Variants in GTF3C3 observed in about 807,000 individuals in gnomAD.
The protein encoded by GTF3C3 is general transcription factor 3C polypeptide 3.
A neutral mutation model predicts 105.2 loss-of-function variants in GTF3C3; 75 were observed. The ratio of observed to expected loss-of-function variants is 0.71; its 90% CI spans 0.59 to 0.86. GTF3C3 has a LOEUF of 0.86. GTF3C3 is among the 40% of genes least tolerant of loss of function. The pLI is 0.00. For missense variants in GTF3C3, 856 were observed against 1,076.5 expected (o/e 0.80, Z 2.87); for synonymous variants, 335 against 370.4 (o/e 0.90, Z 1.10).
At chr2:196,767,893 T>C (rs1699095759) in intron 16 of GTF3C3, among the ~76,000 whole-genome samples, 1 of 152,204 alleles carries the variant, frequency 6.6e-6, no homozygotes, top group Non-Finnish European at 1.5e-5. Context: ...GTTTAACAAA[T>C]TTAAGAGGAT....
chr2:196,790,190 A>G (rs1276648117), intron 4 of GTF3C3, 120 bp from the exon 5 acceptor site: 3 of 546,056 alleles, frequency 5.5e-6, no homozygotes, highest in Non-Finnish European at 9.2e-6. Context: ...AAATCACTCT[A>G]GCAGAATTAT....
intron 8 of GTF3C3, among the ~76,000 whole-genome samples, chr2:196,781,351 A>ATATACATATAT: frequency 4.9e-5 from 1 of 20,528 alleles, no homozygotes. Flanking sequence ...GGAAAAAAAA[A>ATATACATATAT]AAAAAAATAT....
intron 8 of GTF3C3, among the ~76,000 whole-genome samples, chr2:196,781,357 A>AAAAAAAAAAAAAAATAT: frequency 5.3e-5 from 1 of 18,820 alleles, no homozygotes. Context: ...AAAAAAAAAA[A>AAAAAAAAAAAAAAATAT]ATATATATAT....
At chr2:196,798,639 G>A (rs1576041523) in intron 1 of GTF3C3, among the ~76,000 whole-genome samples, 2 of 151,984 alleles carry the variant, frequency 1.3e-5, no homozygotes, top group African/African-American at 4.8e-5. Context: ...CGAGGCAGGC[G>A]GATCACGAGG....
rs1212634006 is a variant in GTF3C3, at chr2:196,793,061, TTCTTCC to T, written c.300_305del (p.Glu110_Glu111del). On this transcript the variant is annotated inframe_deletion, in exon 3 of 18. Coordinates refer to ENST00000263956, the MANE Select transcript of GTF3C3 (RefSeq NM_012086.5). Reference sequence around the variant, plus strand: ...CTTCCTCCTCCTCCTCCTCCTCCTCTTCTTCCTCTTCCTCCTCATCATCTTCATTCT... The same window carrying T: ...CTTCCTCCTCCTCCTCCTCCTCCTCTTCTTCCTCCTCATCATCTTCATTCT... 6.2e-7 allele frequency: 1 copy of T among 1,611,564 alleles called. No individual in the cohort carries two copies. Among genetic ancestry groups the T allele is most frequent in the East Asian group, 2.2e-5 (1 of 44,886 alleles).
At position 196,799,311 on chromosome 2, in the gene GTF3C3, C is replaced by G. The variant is rs562439153; in HGVS notation, c.102+199G>C. The G allele has an allele frequency of 7.4e-6, 4 of 539,306 alleles. No homozygotes were observed. The East Asian group carries it at 9.3e-5, about 12-fold the overall frequency. 33.4% of individuals were successfully genotyped at this position (539,306 alleles called of 1,614,324 possible). A position where few individuals can be genotyped will look rare whatever the true frequency, so the allele number is the denominator to read the frequency against. Reference sequence around the variant, plus strand: ...GAAGAGGTTACCACCAAGACGAAAGCTTTTCGGTGGGGGAAAACGTTTTAA... The same window carrying G: ...GAAGAGGTTACCACCAAGACGAAAGGTTTTCGGTGGGGGAAAACGTTTTAA... On this transcript the variant is annotated intron_variant, in intron 1 of 17. Coordinates refer to ENST00000263956, the MANE Select transcript of GTF3C3 (RefSeq NM_012086.5).
intron 8 of GTF3C3, among the ~76,000 whole-genome samples, chr2:196,781,357 A>AAAAAATATATATATATAT: frequency 5.3e-5 from 1 of 18,820 alleles, no homozygotes; most frequent in Admixed American, 1.0e-3. Flanking sequence ...AAAAAAAAAA[A>AAAAAATATATATATATAT]ATATATATAT....
Position 196,780,788 on chromosome 2 carries a change from CTATT to C in GTF3C3, c.1115-130_1115-127del, listed in dbSNP as rs1699336976. ...CAGTCAATTCTTAGTGTGGCCAACTCTATTAATAAGTTCTTATATCTCTCTCAGT... is the reference window on the plus strand; with the variant it reads ...CAGTCAATTCTTAGTGTGGCCAACTCAATAAGTTCTTATATCTCTCTCAGT... On this transcript the variant is annotated intron_variant, in intron 8 of 17. Transcript: ENST00000263956. 6 of 1,174,362 alleles carry C rather than the reference CTATT, an allele frequency of 5.1e-6. No individual in the cohort carries two copies. In the Admixed American group the frequency reaches 8.2e-5, roughly 16 times the overall value. The allele number at this position is 1,174,362 out of a possible 1,614,324, so 72.7% of individuals were successfully genotyped here.
At chr2:196,790,122 T>G (rs1444489204) in intron 4 of GTF3C3, 52 bp from the exon 5 acceptor site, 1 of 1,173,552 alleles carries the variant, frequency 8.5e-7, no homozygotes. Context: ...GAGGCTTGAG[T>G]TGATGTCCAT....
intron 1 of GTF3C3, chr2:196,799,118 T>C (rs144982751): frequency 1.3e-3 from 214 of 167,648 alleles, no homozygotes; most frequent in Admixed American, 2.6e-3. Context: ...AAAGGAGACA[T>C]TGGGGCCTAA....
intron 8 of GTF3C3, among the ~76,000 whole-genome samples, chr2:196,784,014 G>C (rs979766729): frequency 1.7e-4 from 26 of 152,176 alleles, no homozygotes; most frequent in African/African-American, 6.3e-4. Flanking sequence ...ATTGGCTTGT[G>C]TAAGTGAATT....
chr2:196,773,226 C>T lies in GTF3C3; in HGVS notation c.1832-73G>A, dbSNP rs1699207403. On this transcript the variant is annotated intron_variant, in intron 13 of 17. Transcript: ENST00000263956. ...ATAGCAGTATTAGAAAAATTCACAT[C>T]ATCAATTTTAAGACAAGTTTAATAA... is the stretch of plus-strand genomic sequence containing the variant. 7 of 847,108 alleles carry T rather than the reference C, an allele frequency of 8.3e-6. No homozygotes were observed. The South Asian group carries it at 1.2e-4, about 14-fold the overall frequency. 52.5% of individuals were successfully genotyped at this position (847,108 alleles called of 1,614,324 possible).
chr2:196,768,109 C>G (rs997786393), intron 16 of GTF3C3, among the ~76,000 whole-genome samples: 2 of 152,122 alleles, frequency 1.3e-5, no homozygotes, highest in African/African-American at 4.8e-5. Context: ...CCTCCACCTC[C>G]TGGGTTCAAG....
In GTF3C3 at chr2:196,791,453, C is replaced by G; in HGVS notation, c.419G>C (p.Arg140Thr). 1 of 1,612,810 alleles carries G rather than the reference C, an allele frequency of 6.2e-7. No individual in the cohort carries two copies. The highest frequency in any genetic ancestry group is 2.2e-5 in the East Asian group (1 of 44,868). The change falls in exon 4 of 18, where the codon AGG (arginine) becomes ACG (threonine). Residue 140 changes from arginine to threonine, a missense_variant. Arg to Thr is a moderately conservative substitution (Grantham distance 71, BLOSUM62 -1). Transcript: ENST00000263956. ...RETKKMMKEK[R>T]PRSKLPRALR... ...AGCTCTGGGAAGTTTACTCCGAGGC[C>G]TTTTCTCCTGTATGGAAGAAAAATG...
intron 16 of GTF3C3, 84 bp from the exon 17 acceptor site, chr2:196,766,801 T>C: frequency 9.5e-7 from 1 of 1,053,768 alleles, no homozygotes; most frequent in South Asian, 1.7e-5. Context: ...GTGCTGAAAA[T>C]ACAAATATTT....
chr2:196,763,213 A>AAAC lies in GTF3C3; in HGVS notation c.*1347_*1349dup, dbSNP rs1269574349. The stretch of plus-strand genomic sequence containing the variant: ...AATGGAAGCTATGATTTTAAAAGCT[A>AAAC]AACAAAACTATACAATATCAGCTGG... On this transcript the variant is annotated 3_prime_UTR_variant, in exon 18 of 18. Coordinates refer to ENST00000263956, the MANE Select transcript of GTF3C3 (RefSeq NM_012086.5). The AAAC allele has an allele frequency of 2.0e-5, 3 of 152,218 alleles. No individual in the cohort carries two copies. The highest frequency in any genetic ancestry group is 6.5e-5 in the Admixed American group (1 of 15,284). The allele number at this position is 152,218 out of a possible 1,614,324, so 9.4% of individuals were successfully genotyped here. A position where few individuals can be genotyped will look rare whatever the true frequency, so the allele number is the denominator to read the frequency against.
chr2:196,776,166 G>A lies in GTF3C3; in HGVS notation c.1594-55C>T. The A allele has an allele frequency of 1.0e-6, 1 of 967,714 alleles. No homozygotes were observed. The highest frequency in any genetic ancestry group is 1.6e-6 in the Non-Finnish European group (1 of 633,710). 59.9% of individuals were successfully genotyped at this position (967,714 alleles called of 1,614,324 possible). A position where few individuals can be genotyped will look rare whatever the true frequency, so the allele number is the denominator to read the frequency against. On this transcript the variant is annotated intron_variant, in intron 11 of 17. Transcript: ENST00000263956. This position sits in a 1 kb window ranked among gnomAD's most constrained non-coding sequence, Gnocchi z 4.5. Reference sequence around the variant, plus strand: ...TAACAAGATTCCTTTTCTACAAATTGTTTTATTTGCATAGAAACATTTTTA... The same window carrying A: ...TAACAAGATTCCTTTTCTACAAATTATTTTATTTGCATAGAAACATTTTTA...
chr2:196,764,337 T>C lies in GTF3C3; in HGVS notation c.*226A>G. 3 of 389,592 alleles carry C rather than the reference T, an allele frequency of 7.7e-6. No homozygotes were observed. Among genetic ancestry groups the C allele is most frequent in the Non-Finnish European group, 1.4e-5 (3 of 216,364 alleles). The allele number at this position is 389,592 out of a possible 1,614,324, so 24.1% of individuals were successfully genotyped here. The stretch of plus-strand genomic sequence containing the variant: ...CATTTCAACATTGGGAACAATTCAC[T>C]ATAGAATGTGAAAGGAAAATGACAG... On this transcript the variant is annotated 3_prime_UTR_variant, in exon 18 of 18. Coordinates refer to ENST00000263956, the MANE Select transcript of GTF3C3 (RefSeq NM_012086.5).
chr2:196,780,861 C>A (rs893473104), intron 8 of GTF3C3, 199 bp from the exon 9 acceptor site: 7 of 459,360 alleles, frequency 1.5e-5, no homozygotes, highest in Middle Eastern at 1.2e-3. Flanking sequence ...ATTTCTAATA[C>A]CTTATGTACT....
Sources: gnomAD v4.1 joint callset for allele counts (sites outside exome capture counted in the v4.1 genomes callset) on GRCh38, gnomAD v4.1.1 for gene constraint, Gnocchi (gnomAD v3.1) non-coding constraint, MANE v1.5 for transcripts, NCBI Gene and HGNC (gene_info 2026-07-23, HGNC 2026-07-21) for gene names.